EVI2B: variants seen among roughly 807,000 people sequenced by gnomAD.
EVI2B encodes the protein ecotropic viral integration site 2B, also known as protein EVI2B.
In EVI2B, 4 loss-of-function variants were observed where a neutral mutation model predicts 6.6. The observed-to-expected ratio is 0.61, with a 90% CI of 0.30 to 1.39. EVI2B has a LOEUF of 1.39. Ranked by LOEUF, EVI2B falls within the 40% of genes most tolerant of loss-of-function variation. EVI2B has a pLI of 0.08. For missense variants in EVI2B, 484 were observed against 516.6 expected (o/e 0.94, Z 0.61); for synonymous variants, 181 against 186.8 (o/e 0.97, Z 0.25).
chr17:31,307,508 T>C (rs1256583641), intron 1 of EVI2B, among the ~76,000 whole-genome samples: 5 of 152,172 alleles, frequency 3.3e-5, no homozygotes, highest in East Asian at 3.8e-4. Context: ...ATATGAAAGT[T>C]TGGCAGATAG....
intron 1 of EVI2B, among the ~76,000 whole-genome samples, chr17:31,309,686 T>A (rs143555527): frequency 6.6e-6 from 1 of 152,324 alleles, no homozygotes; most frequent in East Asian, 1.9e-4. Context: ...CTCTTTTCAG[T>A]TAGCTGAAAA....
chr17:31,307,029 AT>A (rs886478261), intron 1 of EVI2B, among the ~76,000 whole-genome samples: 1,677 of 147,484 alleles, frequency 0.011, 28 homozygotes, highest in African/African-American at 0.037. Context: ...AATTACAATA[AT>A]TTTTTTTTTT....
Position 31,305,156 on chromosome 17 carries a change from A to G in EVI2B, c.454T>C (p.Ser152Pro), listed in dbSNP as rs1166572543. ...FVYTFTQQSS[S>P]VQIPSRKQIT... Reference sequence around the variant, plus strand: ...TGTTTTCTAGAAGGGATCTGGACAGATGATGATTGTTGAGTAAAAGTATAG... The same window carrying G: ...TGTTTTCTAGAAGGGATCTGGACAGGTGATGATTGTTGAGTAAAAGTATAG... Residue 152 changes from serine (S) to proline (P), a missense_variant, in exon 2 of 2, where the codon TCT (serine) becomes CCT (proline). Physicochemically the swap from Ser to Pro is moderately conservative, Grantham distance 74. Coordinates refer to ENST00000330927, the MANE Select transcript of EVI2B (RefSeq NM_006495.4). 1.2e-6 allele frequency: 2 copies of G among 1,614,094 alleles called. No homozygotes were observed. The highest frequency in any genetic ancestry group is 1.1e-5 in the South Asian group (1 of 91,088).
chr17:31,307,210 C>A (rs746140112), intron 1 of EVI2B, among the ~76,000 whole-genome samples: 2 of 151,112 alleles, frequency 1.3e-5, no homozygotes, highest in African/African-American at 4.9e-5. Flanking sequence ...TTAGCACAGA[C>A]GGGGTTTCAC....
At chr17:31,308,840 G>C (rs904121741) in intron 1 of EVI2B, among the ~76,000 whole-genome samples, 1 of 152,108 alleles carries the variant, frequency 6.6e-6, no homozygotes, top group Non-Finnish European at 1.5e-5. Context: ...CATAATTCAT[G>C]TATGTATCTC....
chr17:31,310,959 CG>C (rs1018320130), intron 1 of EVI2B, among the ~76,000 whole-genome samples: 2 of 137,396 alleles, frequency 1.5e-5, no homozygotes, highest in African/African-American at 5.5e-5. Context: ...TTTTTTTTTC[CG>C]TTTGGAGACA....
rs755404502 is a variant in EVI2B, at chr17:31,304,295, A to G, written c.1315T>C (p.Ser439Pro). The change falls in exon 2 of 2, where the codon TCC becomes CCC. Residue 439 changes from serine to proline, a missense_variant. Transcript: ENST00000330927. ...PPNSDQDLNE[S>P]LPPPPAELL ...AGTTCTGCAGGTGGAGGTGGCAGGG[A>G]TTCATTAAGATCTTGATCAGAGTTG... 2 of 1,612,730 alleles carry G rather than the reference A, an allele frequency of 1.2e-6. No individual in the cohort carries two copies. Among genetic ancestry groups the G allele is most frequent in the East Asian group, 2.2e-5 (1 of 44,876 alleles).
intron 1 of EVI2B, among the ~76,000 whole-genome samples, chr17:31,306,428 A>G (rs1016889350): frequency 2.6e-5 from 4 of 152,262 alleles, no homozygotes; most frequent in African/African-American, 7.2e-5. Context: ...ATAGATATAA[A>G]TATCTCCCAC....
chr17:31,312,782 A>G (rs1345029092), intron 1 of EVI2B, among the ~76,000 whole-genome samples: 3 of 152,180 alleles, frequency 2.0e-5, no homozygotes, highest in Non-Finnish European at 2.9e-5. Context: ...ATGAATATTT[A>G]TTAAGTGTTG....
rs906451185 is a variant in EVI2B, at chr17:31,303,961, T to C, written c.*302A>G. ...CACAGCTTTTCAGGGGAAAAAAAAC[T>C]GTACTGGGTAATAAGTATATGTAGA... On this transcript the variant is annotated 3_prime_UTR_variant, in exon 2 of 2. Coordinates refer to ENST00000330927, the MANE Select transcript of EVI2B (RefSeq NM_006495.4). 4.6e-5 allele frequency: 9 copies of C among 193,804 alleles called. No individual in the cohort carries two copies. Among genetic ancestry groups the C allele is most frequent in the African/African-American group, 1.9e-4 (8 of 42,958 alleles). The allele number at this position is 193,804 out of a possible 1,614,324, so 12.0% of individuals were successfully genotyped here. A position where few individuals can be genotyped will look rare whatever the true frequency, so the allele number is the denominator to read the frequency against.
Position 31,305,419 on chromosome 17 carries a change from T to G in EVI2B, c.191A>C (p.Asp64Ala). 6.2e-7 allele frequency: 1 copy of G among 1,614,210 alleles called. No homozygotes were observed. The highest frequency in any genetic ancestry group is 8.5e-7 in the Non-Finnish European group (1 of 1,180,032). ...NPLGQPTQFS[D>A]TFSGQSISPA... is the part of the protein sequence containing the mutation. Reference sequence around the variant, plus strand: ...TGATATTGATTGTCCAGAAAAAGTGTCGCTGAATTGTGTTGGTTGACCCAA... The same window carrying G: ...TGATATTGATTGTCCAGAAAAAGTGGCGCTGAATTGTGTTGGTTGACCCAA... The change falls in exon 2 of 2, where the codon GAC becomes GCC. Residue 64 changes from aspartate to alanine, a missense_variant. Transcript: ENST00000330927.
chr17:31,305,446 G>C lies in EVI2B; in HGVS notation c.164C>G (p.Pro55Arg). ...GCTGAATTGTGTTGGTTGACCCAAA[G>C]GATTCCCTGTTGTGTTTTGAGAATT... is the stretch of plus-strand genomic sequence containing the variant. ...LANSQNTTGN[P>R]LGQPTQFSDT... The change falls in exon 2 of 2, where the codon CCT becomes CGT. Residue 55 changes from proline (P) to arginine (R), a missense_variant. By Grantham distance (103) the Pro-to-Arg change is moderately radical. Transcript: ENST00000330927. 1 of 1,614,190 alleles carries C rather than the reference G, an allele frequency of 6.2e-7. No individual in the cohort carries two copies. Among genetic ancestry groups the C allele is most frequent in the South Asian group, 1.1e-5 (1 of 91,080 alleles).
chr17:31,305,127 T>C lies in EVI2B; in HGVS notation c.483A>G (p.Ile161Met), dbSNP rs1368901817. 1.2e-6 allele frequency: 2 copies of C among 1,614,072 alleles called. No individual in the cohort carries two copies. Among genetic ancestry groups the C allele is most frequent in the Non-Finnish European group, 1.7e-6 (2 of 1,180,046 alleles). Residue 161 changes from isoleucine (I) to methionine (M), a missense_variant, in exon 2 of 2, where the codon ATA becomes ATG. Ile to Met is a conservative substitution (Grantham distance 10). Coordinates refer to ENST00000330927, the MANE Select transcript of EVI2B (RefSeq NM_006495.4). The part of the protein sequence containing the change: ...SSVQIPSRKQ[I>M]TVHNPSTQPT... The stretch of plus-strand genomic sequence containing the variant: ...GTTGTGTGGATGGATTATGAACAGT[T>C]ATTTGTTTTCTAGAAGGGATCTGGA...
Position 31,305,109 on chromosome 17 carries a change from G to A in EVI2B, c.501C>T (p.Ser167=). ...SRKQITVHNP[S]TQPTSTVKNS... is the part of the protein sequence containing the mutation. ...TTTTGACAGTTGATGTTGGTTGTGTGGATGGATTATGAACAGTTATTTGTT... is the reference window on the plus strand; with the variant it reads ...TTTTGACAGTTGATGTTGGTTGTGTAGATGGATTATGAACAGTTATTTGTT... The change falls in exon 2 of 2, where the codon TCC becomes TCT. Residue 167 remains serine, a synonymous_variant. Transcript: ENST00000330927. The A allele has an allele frequency of 6.2e-7, 1 of 1,614,170 alleles. No individual in the cohort carries two copies. Among genetic ancestry groups the A allele is most frequent in the Non-Finnish European group, 8.5e-7 (1 of 1,180,032 alleles).
chr17:31,310,747 C>A (rs1219349936), intron 1 of EVI2B, among the ~76,000 whole-genome samples: 1 of 152,008 alleles, frequency 6.6e-6, no homozygotes, highest in African/African-American at 2.4e-5. Context: ...TAGTCTGCTG[C>A]TCAAGCAAAT....
intron 1 of EVI2B, among the ~76,000 whole-genome samples, chr17:31,310,358 A>G (rs1173609227): frequency 2.0e-5 from 3 of 151,332 alleles, no homozygotes; most frequent in Admixed American, 6.6e-5. Flanking sequence ...TAAACAGGTG[A>G]AAAAAAAAGC....
chr17:31,313,756 G>C (rs1947125796), intron 1 of EVI2B, among the ~76,000 whole-genome samples: 1 of 135,582 alleles, frequency 7.4e-6, no homozygotes, highest in Non-Finnish European at 1.6e-5. Flanking sequence ...GTGTGTGTGT[G>C]TGAGATTAAA....
In EVI2B at chr17:31,304,763, A is replaced by G. The variant is rs1453143309; in HGVS notation, c.847T>C (p.Leu283=). 1.2e-6 allele frequency: 2 copies of G among 1,614,186 alleles called. No individual in the cohort carries two copies. Among genetic ancestry groups the G allele is most frequent in the Non-Finnish European group, 1.7e-6 (2 of 1,180,036 alleles). ...TPWKPSKSTL[L]ADDLEIKLFE... is the part of the protein sequence containing the mutation. ...AACTTAATTTCTAAGTCATCTGCTA[A>G]AAGTGTGCTTTTGCTTGGTTTCCAG... Residue 283 remains leucine (L), a synonymous_variant, in exon 2 of 2, where the codon TTA becomes CTA. Transcript: ENST00000330927.
chr17:31,306,447 A>G lies in EVI2B; in HGVS notation c.-21-817T>C, dbSNP rs868718909. Among the ~76,000 whole-genome samples the G allele has an allele frequency of 7.9e-5, 12 of 152,160 alleles. 1 individual carries two copies. In the Middle Eastern group the frequency reaches 0.01, roughly 129 times the overall value. The stretch of plus-strand genomic sequence containing the variant: ...ATATAAATATCTCCCACTATCAGCA[A>G]ATTCAACATATTTAAAATGGAGTTC... On this transcript the variant is annotated intron_variant, in intron 1 of 1. Coordinates refer to ENST00000330927, the MANE Select transcript of EVI2B (RefSeq NM_006495.4).
Sources: allele counts gnomAD v4.1 joint callset (sites outside exome capture counted in the v4.1 genomes callset), GRCh38; gene constraint gnomAD v4.1.1; transcripts MANE v1.5; gene names NCBI Gene and HGNC (gene_info 2026-07-23, HGNC 2026-07-21).